LRRTM4: variants seen among roughly 807,000 people sequenced by gnomAD.
LRRTM4 encodes leucine rich repeat transmembrane neuronal 4, also known as leucine-rich repeat transmembrane neuronal protein 4.
A neutral mutation model predicts 47.6 loss-of-function variants in LRRTM4; 25 were observed. That is an observed-to-expected ratio of 0.53 (90% CI 0.38 to 0.73). The LOEUF (loss-of-function observed/expected upper bound fraction) is 0.73, where lower values mean the gene tolerates loss of function less well. LRRTM4 is among the 30% of genes least tolerant of loss of function. LRRTM4 has a pLI of 0.00. For missense variants in LRRTM4, 638 were observed against 713.4 expected (o/e 0.89, Z 1.20); for synonymous variants, 311 against 269.5 (o/e 1.15, Z -1.51).
chr2:77,117,580 T>A (rs1234020187), intron 3 of LRRTM4, among the ~76,000 whole-genome samples: 1 of 151,938 alleles, frequency 6.6e-6, no homozygotes, highest in African/African-American at 2.4e-5. Flanking sequence ...AACTTTTTGT[T>A]CCTCTGTGTT....
chr2:77,451,416 C>T (rs1002204366), intron 3 of LRRTM4, among the ~76,000 whole-genome samples: 5 of 152,122 alleles, frequency 3.3e-5, no homozygotes, highest in East Asian at 3.9e-4. Context: ...AGCTGGAAAA[C>T]GGAACATGGA....
chr2:77,022,025 G>A (rs895104693), intron 3 of LRRTM4, among the ~76,000 whole-genome samples: 1 of 152,102 alleles, frequency 6.6e-6, no homozygotes, highest in Non-Finnish European at 1.5e-5. Context: ...ATTTCATGCT[G>A]CTGATAAAGA....
At chr2:77,042,504 A>G (rs1329531611) in intron 3 of LRRTM4, among the ~76,000 whole-genome samples, 1 of 151,698 alleles carries the variant, frequency 6.6e-6, no homozygotes, top group African/African-American at 2.4e-5. Context: ...ATTGAATATT[A>G]TAGGTACTCA....
At chr2:76,766,205 T>C (rs1429558728) in intron 3 of LRRTM4, among the ~76,000 whole-genome samples, 1 of 152,226 alleles carries the variant, frequency 6.6e-6, no homozygotes. Context: ...AACATTTAAA[T>C]GAGGCTGGAA....
intron 3 of LRRTM4, among the ~76,000 whole-genome samples, chr2:76,903,293 T>G (rs1275698652): frequency 6.6e-6 from 1 of 152,106 alleles, no homozygotes; most frequent in African/African-American, 2.4e-5. Flanking sequence ...TCCCAGCACT[T>G]TGGGAGGCTG....
chr2:77,086,507 C>T (rs1472691279), intron 3 of LRRTM4, among the ~76,000 whole-genome samples: 38 of 111,728 alleles, frequency 3.4e-4, no homozygotes, highest in African/African-American at 3.6e-4. Context: ...AATGGAGTTT[C>T]GCTCTTTTTG....
chr2:76,994,141 GA>G (rs955777133), intron 3 of LRRTM4, among the ~76,000 whole-genome samples: 1 of 151,688 alleles, frequency 6.6e-6, no homozygotes, highest in African/African-American at 2.4e-5. Flanking sequence ...GGAAATAACT[GA>G]AAAACTACCT....
At chr2:76,871,550 T>C (rs1672624081) in intron 3 of LRRTM4, among the ~76,000 whole-genome samples, 2 of 152,140 alleles carry the variant, frequency 1.3e-5, no homozygotes, top group African/African-American at 4.8e-5. Context: ...AACCTGTACA[T>C]TTGTATGGTA....
At chr2:76,937,120 G>C (rs929340055) in intron 3 of LRRTM4, among the ~76,000 whole-genome samples, 4 of 151,934 alleles carry the variant, frequency 2.6e-5, no homozygotes, top group Admixed American at 1.3e-4. Context: ...AAAAACTACA[G>C]TCTTGGTGAT....
At chr2:76,848,200 T>C (rs62173099) in intron 3 of LRRTM4, among the ~76,000 whole-genome samples, 21,017 of 152,190 alleles carry the variant, frequency 0.14, 1,826 homozygotes, top group Admixed American at 0.2. Context: ...ATTGATGTTT[T>C]ATGTGAGCAA....
At chr2:77,165,976 G>A (rs1004778089) in intron 3 of LRRTM4, among the ~76,000 whole-genome samples, 9 of 152,166 alleles carry the variant, frequency 5.9e-5, no homozygotes, top group African/African-American at 1.9e-4. Flanking sequence ...TCAGGCAGGA[G>A]AAAGAAATAG....
At chr2:77,074,895 G>C (rs917297048) in intron 3 of LRRTM4, among the ~76,000 whole-genome samples, 8 of 144,546 alleles carry the variant, frequency 5.5e-5, no homozygotes, top group Non-Finnish European at 1.2e-4. Flanking sequence ...CATTGGCAGA[G>C]GTTTGACTTA....
chr2:76,825,020 T>C (rs892428416), intron 3 of LRRTM4, among the ~76,000 whole-genome samples: 1 of 151,646 alleles, frequency 6.6e-6, no homozygotes, highest in Non-Finnish European at 1.5e-5. Flanking sequence ...GCATTTATAA[T>C]GTTCTGGGCA....
intron 3 of LRRTM4, among the ~76,000 whole-genome samples, chr2:77,366,850 C>G (rs1012341088): frequency 1.5e-4 from 23 of 151,880 alleles, no homozygotes; most frequent in African/African-American, 5.1e-4. Context: ...ATCACTGTCT[C>G]TGTCTCAGAT....
chr2:77,130,394 T>A (rs1423183157), intron 3 of LRRTM4, among the ~76,000 whole-genome samples: 1 of 152,150 alleles, frequency 6.6e-6, no homozygotes, highest in African/African-American at 2.4e-5. Flanking sequence ...GGCAGACAGC[T>A]TTATTTTCTT....
intron 3 of LRRTM4, among the ~76,000 whole-genome samples, chr2:76,785,276 C>G (rs1173754171): frequency 6.6e-6 from 1 of 152,040 alleles, no homozygotes; most frequent in African/African-American, 2.4e-5. Context: ...AAATGTGGGA[C>G]TACAGTTCTG....
intron 3 of LRRTM4, among the ~76,000 whole-genome samples, chr2:77,271,444 C>T (rs1265493311): frequency 1.3e-5 from 2 of 152,216 alleles, no homozygotes; most frequent in Non-Finnish European, 2.9e-5. Flanking sequence ...GAGCTTGTTC[C>T]TGTGCCAGCA....
chr2:77,174,495 G>T (rs1231422395), intron 3 of LRRTM4, among the ~76,000 whole-genome samples: 2 of 152,106 alleles, frequency 1.3e-5, no homozygotes, highest in African/African-American at 4.8e-5. Flanking sequence ...GTGGAGAAAT[G>T]CCCTCAAAGG....
rs566709630 is a variant in LRRTM4 at position 76,948,286 on chromosome 2, A to C, written c.1552-199370T>G. 4.6e-5 allele frequency among the ~76,000 whole-genome samples: 7 copies of C among 151,930 alleles called. No individual in the cohort carries two copies. In the South Asian group the frequency reaches 1.2e-3, roughly 27 times the overall value. ...TTGATGCCACAATTTTGTCCCCATAAATCCTGTTCAATATTTAATTAGAAT... is the reference window on the plus strand; with the variant it reads ...TTGATGCCACAATTTTGTCCCCATACATCCTGTTCAATATTTAATTAGAAT... On this transcript the variant is annotated intron_variant, in intron 3 of 3. Coordinates refer to ENST00000409884, the MANE Select transcript of LRRTM4 (RefSeq NM_001134745.3).
Sources: gnomAD v4.1 joint callset for allele counts (sites outside exome capture counted in the v4.1 genomes callset) on GRCh38, gnomAD v4.1.1 for gene constraint, MANE v1.5 for transcripts, NCBI Gene and HGNC (gene_info 2026-07-23, HGNC 2026-07-21) for gene names.